Variants in CCM2 observed in about 807,000 individuals in gnomAD.
The protein encoded by CCM2 is cerebral cavernous malformations 2 protein.
A neutral mutation model predicts 44.9 loss-of-function variants in CCM2; 25 were observed. That is an observed-to-expected ratio of 0.56 (90% CI 0.41 to 0.78). CCM2 has a LOEUF of 0.78. CCM2 is among the 30% of genes least tolerant of loss of function. The pLI is 0.00. For synonymous variants in CCM2, 219 were observed against 241.1 expected (o/e 0.91, Z 0.85); for missense variants, 481 against 580.6 (o/e 0.83, Z 1.76).
chr7:45,060,753 A>G (rs1798482430), intron 2 of CCM2, among the ~76,000 whole-genome samples: 1 of 152,134 alleles, frequency 6.6e-6, no homozygotes, highest in Non-Finnish European at 1.5e-5. Flanking sequence ...CATTGCTGTT[A>G]CAGGACTTTT....
At chr7:45,043,303 C>T (rs1314796739) in intron 2 of CCM2, among the ~76,000 whole-genome samples, 1 of 152,014 alleles carries the variant, frequency 6.6e-6, no homozygotes, top group Non-Finnish European at 1.5e-5. Context: ...GCAGTATTGC[C>T]CTGATACCAA....
intron 9 of CCM2, among the ~76,000 whole-genome samples, chr7:45,074,893 T>C (rs568182963): frequency 6.6e-6 from 1 of 152,290 alleles, no homozygotes; most frequent in African/African-American, 2.4e-5. Context: ...CAGAGTTGGA[T>C]GTTGGCCCCA....
At chr7:45,014,382 G>C (rs775608600) in intron 1 of CCM2, among the ~76,000 whole-genome samples, 3 of 151,916 alleles carry the variant, frequency 2.0e-5, no homozygotes, top group Non-Finnish European at 4.4e-5. Context: ...CTCGTGATCC[G>C]CCCACCTCGG....
At chr7:45,064,442 A>G (rs1327653346) in intron 3 of CCM2, 21 bp from the exon 4 acceptor site, 1 of 1,612,020 alleles carries the variant, frequency 6.2e-7, no homozygotes. Flanking sequence ...TGTATTTCTG[A>G]TGCCCTGTGG....
At chr7:45,031,241 G>A (rs1434740052) in intron 1 of CCM2, among the ~76,000 whole-genome samples, 1 of 151,436 alleles carries the variant, frequency 6.6e-6, no homozygotes, top group Non-Finnish European at 1.5e-5. Context: ...AATTAGCCAG[G>A]TGTGGTGGTG....
At position 45,076,282 on chromosome 7, in the gene CCM2, G is replaced by T. The variant is rs1186782828; in HGVS notation, c.*225G>T. The stretch of plus-strand genomic sequence containing the variant: ...AAGGCTCTTTGCCTTGTCCACCAGG[G>T]CTCAGCCAAGCCCTGCAGTGTGTCC... On this transcript the variant is annotated 3_prime_UTR_variant, in exon 10 of 10. Transcript: ENST00000258781. The T allele has an allele frequency of 1.7e-5, 12 of 711,970 alleles. No individual in the cohort carries two copies. Among genetic ancestry groups the T allele is most frequent in the Admixed American group, 2.0e-5 (1 of 49,406 alleles). The allele number at this position is 711,970 out of a possible 1,614,324, so 44.1% of individuals were successfully genotyped here.
intron 1 of CCM2, among the ~76,000 whole-genome samples, chr7:45,024,913 G>T (rs1319206545): frequency 1.3e-5 from 2 of 152,148 alleles, no homozygotes; most frequent in Non-Finnish European, 2.9e-5. Flanking sequence ...CCATAAAATT[G>T]AGTTCATCGT....
At position 45,035,135 on chromosome 7, in the gene CCM2, C is replaced by T. The variant is rs145422514; in HGVS notation, c.31-3118C>T. 7.9e-3 allele frequency among the ~76,000 whole-genome samples: 1,198 copies of T among 152,306 alleles called. 17 individuals carry two copies. Among genetic ancestry groups the T allele is most frequent in the African/African-American group, 0.027 (1,125 of 41,572 alleles). ...ATAGGCGTGAGCCGCTGCACCCAGCCTGGGAGCACTTTCTGTCCCCTCTGT... is the reference window on the plus strand; with the variant it reads ...ATAGGCGTGAGCCGCTGCACCCAGCTTGGGAGCACTTTCTGTCCCCTCTGT... On this transcript the variant is annotated intron_variant, in intron 1 of 9. Coordinates refer to ENST00000258781, the MANE Select transcript of CCM2 (RefSeq NM_031443.4).
chr7:45,027,447 T>G, intron 1 of CCM2: 1 of 565,912 alleles, frequency 1.8e-6, no homozygotes, highest in Non-Finnish European at 3.1e-6. Context: ...GGAGGCTGCT[T>G]GTGGGGTTCG....
At chr7:44,999,865 C>G (rs1196441263), upstream of CCM2, 2 of 400,182 alleles carry the variant, frequency 5.0e-6, no homozygotes, top group Non-Finnish European at 1.0e-5. Flanking sequence ...CAGGTGCGTT[C>G]TCGCGGCCGT....
At chr7:45,073,148 C>G in intron 7 of CCM2, 1 of 573,660 alleles carries the variant, frequency 1.7e-6, no homozygotes, top group Non-Finnish European at 3.1e-6. Context: ...CACTCGCGCT[C>G]TCCATTCCTG....
intron 2 of CCM2, among the ~76,000 whole-genome samples, chr7:45,048,268 CA>C (rs1351502083): frequency 6.6e-6 from 1 of 152,126 alleles, no homozygotes; most frequent in Admixed American, 6.5e-5. Context: ...AAACTGTATA[CA>C]TTTCATAAAA....
At chr7:45,027,743 C>T (rs1472147878) in intron 1 of CCM2, 3 of 1,614,058 alleles carry the variant, frequency 1.9e-6, no homozygotes, top group Admixed American at 3.3e-5. Flanking sequence ...ACCAGAATCT[C>T]TCCAAAGAAA....
intron 1 of CCM2, among the ~76,000 whole-genome samples, chr7:45,017,826 T>C (rs1796326173): frequency 6.6e-6 from 1 of 152,214 alleles, no homozygotes; most frequent in Non-Finnish European, 1.5e-5. Context: ...TTCAGTCAGT[T>C]GGAGTGCTTA....
intron 5 of CCM2, among the ~76,000 whole-genome samples, chr7:45,068,856 C>T (rs1171952616): frequency 2.6e-5 from 4 of 152,240 alleles, no homozygotes; most frequent in East Asian, 1.9e-4. Context: ...GGCTCCCCAC[C>T]GGTTCCCACC....
At chr7:45,061,423 A>G (rs1165234324) in intron 2 of CCM2, among the ~76,000 whole-genome samples, 1 of 150,548 alleles carries the variant, frequency 6.6e-6, no homozygotes, top group Non-Finnish European at 1.5e-5. Context: ...GGATAACAGA[A>G]TGCTCTGGTC....
chr7:45,028,594 T>C (rs1337349815), intron 1 of CCM2, among the ~76,000 whole-genome samples: 1 of 151,414 alleles, frequency 6.6e-6, no homozygotes, highest in Non-Finnish European at 1.5e-5. Context: ...GAGGTGGAGG[T>C]TGCAGTCAGC....
chr7:45,005,220 A>G (rs577503702), intron 1 of CCM2, among the ~76,000 whole-genome samples: 48 of 152,360 alleles, frequency 3.2e-4, no homozygotes, highest in African/African-American at 1.2e-3. Flanking sequence ...GGCAGCCAGT[A>G]GGTGAGGCCA....
chr7:45,045,426 A>C (rs1300905997), intron 2 of CCM2, among the ~76,000 whole-genome samples: 1 of 152,262 alleles, frequency 6.6e-6, no homozygotes, highest in African/African-American at 2.4e-5. Context: ...AAGAAGAAAA[A>C]TCACATAATT....
Sources: allele counts gnomAD v4.1 joint callset (sites outside exome capture counted in the v4.1 genomes callset), GRCh38; gene constraint gnomAD v4.1.1; transcripts MANE v1.5; gene names NCBI Gene and HGNC (gene_info 2026-07-23, HGNC 2026-07-21).